SLC45A2: variants seen among roughly 807,000 people sequenced by gnomAD.
The protein encoded by SLC45A2 is membrane-associated transporter protein.
In SLC45A2, 36 loss-of-function variants were observed where a neutral mutation model predicts 45.5. The ratio of observed to expected loss-of-function variants is 0.79; its 90% confidence interval spans 0.61 to 1.04. The LOEUF is 1.04. Ranked by LOEUF, SLC45A2 falls within the 50% of genes least tolerant of loss-of-function variation. The probability of loss-of-function intolerance (pLI) is 0.00; values close to 1 mark genes in which losing one functional copy is unlikely to be tolerated. For synonymous variants in SLC45A2, 306 were observed against 269.3 expected, an observed-to-expected ratio of 1.14 and a Z score of -1.33; for missense variants, 719 against 671.0, an observed-to-expected ratio of 1.07 and a Z score of -0.79.
At chr5:33,963,341 G>C (rs1752502634) in intron 3 of SLC45A2, among the ~76,000 whole-genome samples, 1 of 152,154 alleles carries the variant, frequency 6.6e-6, no homozygotes, top group Non-Finnish European at 1.5e-5. Context: ...ACCATTTGGA[G>C]GAAAAAATTT....
chr5:33,960,734 C>T (rs1369760044), intron 3 of SLC45A2, among the ~76,000 whole-genome samples: 3 of 152,112 alleles, frequency 2.0e-5, no homozygotes, highest in Admixed American at 6.6e-5. Context: ...AACCAAACAC[C>T]ACCTGTTCCC....
At chr5:33,961,978 T>TCTTTC (rs1237909890) in intron 3 of SLC45A2, among the ~76,000 whole-genome samples, 1 of 152,242 alleles carries the variant, frequency 6.6e-6, no homozygotes, top group Non-Finnish European at 1.5e-5. Context: ...TACCCTATCC[T>TCTTTC]CTTTCCTTTC....
At chr5:33,972,970 T>C (rs1752829929) in intron 2 of SLC45A2, among the ~76,000 whole-genome samples, 1 of 152,196 alleles carries the variant, frequency 6.6e-6, no homozygotes, top group Non-Finnish European at 1.5e-5. Context: ...TTTGTTTCCC[T>C]CATTCTAAAA....
At chr5:33,958,768 GTTGTATTTATTT>G (rs147962674) in intron 3 of SLC45A2, among the ~76,000 whole-genome samples, 1,535 of 152,274 alleles carry the variant, frequency 0.01, 34 homozygotes, top group African/African-American at 0.036. Context: ...CGTTGTATCT[GTTGTATTTATTT>G]TTGTACTCGT....
rs928584298 is a variant in SLC45A2 at position 33,944,662 on chromosome 5, TAACA to T, written c.1575_1578del (p.Phe525LeufsTer12). On this transcript the variant is annotated frameshift_variant, in exon 7 of 7. Transcript: ENST00000296589. LOFTEE classifies it high-confidence loss of function. ...TCTTTATTGACCTAATCCACATATC[TAACA>T]AAGAGAGCGACAAAGCAACAGCCTA... The T allele has an allele frequency of 1.9e-6, 3 of 1,613,984 alleles. No individual in the cohort carries two copies. The highest frequency in any genetic ancestry group is 2.7e-5 in the African/African-American group (2 of 74,894).
chr5:33,954,225 A>T (rs1005138288), intron 4 of SLC45A2, 136 bp downstream of exon 4: 3 of 1,242,942 alleles, frequency 2.4e-6, no homozygotes, highest in Admixed American at 3.9e-5. Flanking sequence ...ACCTGTCTGT[A>T]AGTCAGCTTC....
Position 33,963,806 on chromosome 5 carries a change from G to A in SLC45A2, c.773C>T (p.Pro258Leu), listed in dbSNP as rs1752520465. The A allele has an allele frequency of 2.5e-6, 4 of 1,614,104 alleles. No homozygotes were observed. Among genetic ancestry groups the A allele is most frequent in the Non-Finnish European group, 3.4e-6 (4 of 1,180,014 alleles). ...GTACATTCCATCTGATGACAATGGA[G>A]GGTCCTGAGGGGTTTGCTGTGGGGG... ...GIPPQQTPQD[P>L]PLSSDGMYEY... is the part of the protein sequence containing the mutation. The change falls in exon 3 of 7, where the codon CCT becomes CTT. Residue 258 changes from proline (P) to leucine (L), a missense_variant. Pro to Leu is a moderately conservative substitution (Grantham distance 98, BLOSUM62 -3). Transcript: ENST00000296589.
intron 3 of SLC45A2, among the ~76,000 whole-genome samples, chr5:33,960,457 A>G (rs2111950491): frequency 6.6e-6 from 1 of 152,312 alleles, no homozygotes; most frequent in Non-Finnish European, 1.5e-5. Context: ...TGGCATTTGC[A>G]GTGACCTAGA....
intron 3 of SLC45A2, among the ~76,000 whole-genome samples, chr5:33,954,858 T>C (rs1430629049): frequency 1.3e-5 from 2 of 152,178 alleles, no homozygotes; most frequent in Non-Finnish European, 2.9e-5. Flanking sequence ...AGCTCTTAGA[T>C]GATTATAATT....
chr5:33,951,632 A>G lies in SLC45A2; in HGVS notation c.1078T>C (p.Phe360Leu). The change falls in exon 5 of 7, where the codon TTT becomes CTT. Residue 360 changes from phenylalanine (F) to leucine (L), a missense_variant. Phe to Leu is a conservative substitution (Grantham distance 22). Transcript: ENST00000296589. ...TCGACTCCTCTTTCGTAGATGAGAA[A>G]CTCTGTGGAGTTGTGTGCACTATAG... The part of the protein sequence containing the change: ...DPYSAHNSTE[F>L]LIYERGVEVG... 6.2e-7 allele frequency: 1 copy of G among 1,614,166 alleles called. No individual in the cohort carries two copies. Among genetic ancestry groups the G allele is most frequent in the Non-Finnish European group, 8.5e-7 (1 of 1,180,020 alleles).
intron 4 of SLC45A2, among the ~76,000 whole-genome samples, chr5:33,951,980 A>G (rs976519291): frequency 2.0e-5 from 3 of 152,148 alleles, no homozygotes; most frequent in African/African-American, 4.8e-5. Flanking sequence ...ATCTTCTGCT[A>G]CAGCCAATCG....
intron 4 of SLC45A2, among the ~76,000 whole-genome samples, chr5:33,952,848 C>G (rs1449386797): frequency 9.3e-6 from 1 of 107,814 alleles, no homozygotes; most frequent in Non-Finnish European, 1.9e-5. Context: ...CCCCCCTCCC[C>G]CGACCCCACC....
At chr5:33,977,817 G>A (rs1752972711) in intron 2 of SLC45A2, among the ~76,000 whole-genome samples, 2 of 152,176 alleles carry the variant, frequency 1.3e-5, no homozygotes, top group African/African-American at 4.8e-5. Flanking sequence ...AGAGTAGGAT[G>A]GGAACAGATT....
At chr5:33,972,095 G>T in intron 2 of SLC45A2, 1 of 512,282 alleles carries the variant, frequency 2.0e-6, no homozygotes, top group South Asian at 1.4e-5. Context: ...CAAGCACATT[G>T]GTGAAAGGGC....
At chr5:33,945,970 G>A (rs1751911348) in intron 6 of SLC45A2, 1 of 985,370 alleles carries the variant, frequency 1.0e-6, no homozygotes, top group South Asian at 4.7e-5. Flanking sequence ...ATGGTAAAGG[G>A]AGCACACAGT....
chr5:33,969,043 T>TGCTCTCTCTCTCTCTC (rs1752691720), intron 2 of SLC45A2, among the ~76,000 whole-genome samples: 1 of 38,100 alleles, frequency 2.6e-5, no homozygotes, highest in African/African-American at 9.2e-5. Flanking sequence ...AAGTACCAGC[T>TGCTCTCTCTCTCTCTC]ACTCTCTCTC....
rs1480937857 is a variant in SLC45A2 at position 33,963,730 on chromosome 5, C to T, written c.849G>A (p.Leu283=). 1.2e-6 allele frequency: 2 copies of T among 1,614,056 alleles called. No individual in the cohort carries two copies. Among genetic ancestry groups the T allele is most frequent in the Admixed American group, 1.7e-5 (1 of 60,022 alleles). Residue 283 remains leucine (L), a synonymous_variant, in exon 3 of 7, where the codon CTG becomes CTA. Coordinates refer to ENST00000296589, the MANE Select transcript of SLC45A2 (RefSeq NM_016180.5). ...KVKNGYVNPE[L]AMQGAKNKNH... ...TTTTGTTTTTTGCTCCCTGCATTGC[C>T]AGCTCTGGATTTACGTAACCATTTT...
chr5:33,956,554 C>T (rs1484732043), intron 3 of SLC45A2, among the ~76,000 whole-genome samples: 1 of 152,096 alleles, frequency 6.6e-6, no homozygotes, highest in Non-Finnish European at 1.5e-5. Context: ...GAAAGTTAGC[C>T]AAAGCTTTAG....
chr5:33,984,396 A>G lies in SLC45A2; in HGVS notation c.188T>C (p.Val63Ala), dbSNP rs1414160067. 1.9e-6 allele frequency: 3 copies of G among 1,613,578 alleles called. No homozygotes were observed. The highest frequency in any genetic ancestry group is 1.3e-5 in the African/African-American group (1 of 75,064). ...AAYVTPVLLS[V>A]GLPSSLYSIV... ...GCTGTACAGGCTGCTGGGCAGACCT[A>G]CGCTGAGCAGGACTGGGGTCACATA... is the stretch of plus-strand genomic sequence containing the variant. Residue 63 changes from valine to alanine, a missense_variant, in exon 1 of 7, where the codon GTA becomes GCA. By Grantham distance (64) the Val-to-Ala change is moderately conservative. Coordinates refer to ENST00000296589, the MANE Select transcript of SLC45A2 (RefSeq NM_016180.5).
Sources: gnomAD v4.1 joint callset for allele counts (sites outside exome capture counted in the v4.1 genomes callset) on GRCh38, gnomAD v4.1.1 for gene constraint, MANE v1.5 for transcripts, NCBI Gene and HGNC (gene_info 2026-07-23, HGNC 2026-07-21) for gene names.